The following ADAM19 variants were observed in gnomAD, a reference collection of about 807,000 sequenced individuals.
ADAM19 encodes the protein disintegrin and metalloproteinase domain-containing protein 19.
In ADAM19, 65 loss-of-function variants were observed where a neutral mutation model predicts 114.7. The observed-to-expected ratio is 0.57, with a 90% confidence interval of 0.46 to 0.70. The LOEUF (loss-of-function observed/expected upper bound fraction) is 0.70, where lower values mean the gene tolerates loss of function less well. Ranked by LOEUF, ADAM19 falls within the 30% of genes least tolerant of loss-of-function variation. The pLI, the probability that ADAM19 is intolerant of heterozygous loss-of-function variation, is 0.00. For synonymous variants in ADAM19, 466 were observed against 460.5 expected, an observed-to-expected ratio of 1.01 and a Z score of -0.15; for missense variants, 1,063 against 1,204.7, an observed-to-expected ratio of 0.88 and a Z score of 1.74.
chr5:157,541,147 T>G (rs887678617), intron 3 of ADAM19, among the ~76,000 whole-genome samples: 3 of 152,110 alleles, frequency 2.0e-5, no homozygotes, highest in Non-Finnish European at 2.9e-5. Flanking sequence ...ACATGGTCAC[T>G]GAGCAGCCCG....
intron 12 of ADAM19, among the ~76,000 whole-genome samples, chr5:157,501,406 A>G (rs1038580876): frequency 2.0e-5 from 3 of 152,174 alleles, no homozygotes; most frequent in African/African-American, 7.2e-5. Context: ...CTGTACATAT[A>G]TTCTTTTGCA....
Position 157,505,770 on chromosome 5 carries a change from C to T in ADAM19, c.1029G>A (p.Met343Ile), listed in dbSNP as rs1337972318. ...SENAIGVAATMAHEMGHNFGM... is the reference protein window; with the variant it reads ...SENAIGVAATIAHEMGHNFGM... ...CAAAGTTGTGGCCCATCTCGTGGGC[C>T]ATGGTGGCAGCCACGCCAATGGCAT... The change falls in exon 11 of 23, where the codon ATG becomes ATA. Residue 343 changes from methionine (M) to isoleucine (I), a missense_variant. Transcript: ENST00000257527. 6.2e-7 allele frequency: 1 copy of T among 1,613,996 alleles called. No homozygotes were observed. Among genetic ancestry groups the T allele is most frequent in the Non-Finnish European group, 8.5e-7 (1 of 1,179,932 alleles).
In ADAM19 at chr5:157,477,422, G is replaced by C; in HGVS notation, c.*3527C>G. ...AAATATTGTAAACAATTAATAGGTGGACAAGAGAGAAGAAGATCTGTTTTC... is the reference window on the plus strand; with the variant it reads ...AAATATTGTAAACAATTAATAGGTGCACAAGAGAGAAGAAGATCTGTTTTC... On this transcript the variant is annotated 3_prime_UTR_variant, in exon 23 of 23. Transcript: ENST00000257527. 1 of 1,028,292 alleles carries C rather than the reference G, an allele frequency of 9.7e-7. No individual in the cohort carries two copies. The highest frequency in any genetic ancestry group is 1.2e-6 in the Non-Finnish European group (1 of 853,104). 63.7% of individuals were successfully genotyped at this position (1,028,292 alleles called of 1,614,324 possible).
intron 3 of ADAM19, among the ~76,000 whole-genome samples, 159 bp from the exon 4 acceptor site, chr5:157,538,150 C>T (rs1756816180): frequency 6.6e-6 from 1 of 152,016 alleles, no homozygotes; most frequent in African/African-American, 2.4e-5. Context: ...AAAAGGAAAA[C>T]CATAAGTTTG....
At chr5:157,489,028 T>TTAAAAAGA in intron 20 of ADAM19, 74 bp downstream of exon 20, 1 of 610,226 alleles carries the variant, frequency 1.6e-6, no homozygotes, top group East Asian at 7.3e-5. Flanking sequence ...AGACTCCATC[T>TTAAAAAGA]CAAAAAGAAA....
intron 6 of ADAM19, 41 bp from the exon 7 acceptor site, chr5:157,518,929 C>T: frequency 6.4e-7 from 1 of 1,561,138 alleles, no homozygotes; most frequent in East Asian, 2.2e-5. Context: ...AAATAGTGGA[C>T]TTGGCCTCAT....
intron 14 of ADAM19, among the ~76,000 whole-genome samples, chr5:157,496,580 T>G (rs1375933239): frequency 6.6e-6 from 1 of 152,202 alleles, no homozygotes; most frequent in Non-Finnish European, 1.5e-5. Context: ...TTTCCCTTAA[T>G]ATGACTGAGA....
Position 157,479,751 on chromosome 5 carries a change from T to C in ADAM19, c.*1198A>G. ...AGCTGCTGCTGGCTGCCTTCTCCAG[T>C]GATCTCGGGCAGCTCCCAGAAATGG... On this transcript the variant is annotated 3_prime_UTR_variant, in exon 23 of 23. Coordinates refer to ENST00000257527, the MANE Select transcript of ADAM19 (RefSeq NM_033274.5). 1 of 985,662 alleles carries C rather than the reference T, an allele frequency of 1.0e-6. No homozygotes were observed. The highest frequency in any genetic ancestry group is 1.2e-6 in the Non-Finnish European group (1 of 830,042). 61.1% of individuals were successfully genotyped at this position (985,662 alleles called of 1,614,324 possible).
In ADAM19 at chr5:157,492,961, G is replaced by GA; in HGVS notation, c.1908+11dup. ...GCAGCTGGCTCCTAGGTGAGCAGGG[G>GA]AGGGGACTCACATGGTTGTAGCCAC... On this transcript the variant is annotated intron_variant, in intron 16 of 22. Transcript: ENST00000257527. 1 of 1,613,982 alleles carries GA rather than the reference G, an allele frequency of 6.2e-7. No homozygotes were observed. The highest frequency in any genetic ancestry group is 1.3e-5 in the African/African-American group (1 of 75,040).
rs775592729 is a variant in ADAM19, at chr5:157,481,690, A to T, written c.2703+101T>A. On this transcript the variant is annotated intron_variant, in intron 22 of 22. Coordinates refer to ENST00000257527, the MANE Select transcript of ADAM19 (RefSeq NM_033274.5). ...CTTTTGTTCTGGAAGTTCAGTCCAG[A>T]CCACAAGAAGCATGAATTGCTTTGT... 3.5e-5 allele frequency: 55 copies of T among 1,551,646 alleles called. No individual in the cohort carries two copies. In the Middle Eastern group the frequency reaches 8.3e-4, roughly 23 times the overall value.
In ADAM19 at chr5:157,493,085, T is replaced by C; in HGVS notation, c.1796A>G (p.Asn599Ser). ...GCCCCGGCACTGGATCTGCCTCCCA[T>C]TCATGATGATAGTGGTGTCAATGGG... ...AVPIDTTIIM[N>S]GRQIQCRGTH... Residue 599 changes from asparagine (N) to serine (S), a missense_variant, in exon 16 of 23, where the codon AAT (asparagine) becomes AGT (serine). Physicochemically the swap from Asn to Ser is conservative, Grantham distance 46 (BLOSUM62 1). Transcript: ENST00000257527. 6.2e-7 allele frequency: 1 copy of C among 1,614,208 alleles called. No homozygotes were observed. Among genetic ancestry groups the C allele is most frequent in the Non-Finnish European group, 8.5e-7 (1 of 1,180,022 alleles).
chr5:157,496,871 C>G (rs749065373), intron 14 of ADAM19, 23 bp downstream of exon 14: 2 of 1,521,746 alleles, frequency 1.3e-6, no homozygotes, highest in Non-Finnish European at 1.8e-6. Context: ...TGGGGAGAGC[C>G]GTGCTCCCCA....
chr5:157,543,088 T>C (rs1756961098), intron 3 of ADAM19, among the ~76,000 whole-genome samples: 1 of 152,208 alleles, frequency 6.6e-6, no homozygotes, highest in East Asian at 1.9e-4. Context: ...GTGTCTAATT[T>C]AGCAATCTTA....
chr5:157,552,325 G>A (rs1467084831), intron 3 of ADAM19, among the ~76,000 whole-genome samples: 5 of 152,094 alleles, frequency 3.3e-5, no homozygotes, highest in Admixed American at 6.5e-5. Flanking sequence ...ATATGATCCA[G>A]CAATCCCACT....
intron 12 of ADAM19, 112 bp from the exon 13 acceptor site, chr5:157,499,774 T>G: frequency 1.2e-5 from 1 of 85,446 alleles, no homozygotes; most frequent in Non-Finnish European, 2.1e-5. Context: ...CAACTATCTC[T>G]TTTTTTTTTT....
chr5:157,538,585 CCGTTG>C (rs1267203712), intron 3 of ADAM19, among the ~76,000 whole-genome samples: 2 of 152,220 alleles, frequency 1.3e-5, no homozygotes, highest in Non-Finnish European at 2.9e-5. Context: ...CCCTAAGCTT[CCGTTG>C]CCTGCCCTTT....
At chr5:157,561,743 G>T (rs1239016474) in intron 3 of ADAM19, among the ~76,000 whole-genome samples, 3 of 152,004 alleles carry the variant, frequency 2.0e-5, no homozygotes. Context: ...ACACTCCCCT[G>T]GCCCCACTCC....
intron 3 of ADAM19, among the ~76,000 whole-genome samples, chr5:157,557,818 C>T (rs868131878): frequency 1.2e-4 from 18 of 152,118 alleles, no homozygotes; most frequent in Admixed American, 9.2e-4. Context: ...CCCTCATAAA[C>T]GAATCATATC....
chr5:157,570,034 C>T (rs373584596), intron 2 of ADAM19, among the ~76,000 whole-genome samples: 3 of 152,108 alleles, frequency 2.0e-5, no homozygotes, highest in African/African-American at 4.8e-5. Context: ...ACTACGTGGG[C>T]GGATCACTTG....
Sources: allele counts gnomAD v4.1 joint callset (sites outside exome capture counted in the v4.1 genomes callset), GRCh38; gene constraint gnomAD v4.1.1; transcripts MANE v1.5; gene names NCBI Gene and HGNC (gene_info 2026-07-23, HGNC 2026-07-21).